Variants in BCOR observed in about 807,000 individuals in gnomAD.
BCOR encodes the protein BCL6 corepressor.
Under a neutral mutation model 86.7 loss-of-function variants are expected in BCOR, and 10 were observed. The observed-to-expected ratio is 0.12, with a 90% CI of 0.07 to 0.20. The LOEUF is 0.20. BCOR is among the 10% of genes least tolerant of loss of function. The pLI is 1.00. For synonymous variants in BCOR, 611 were observed against 609.0 expected, an observed-to-expected ratio of 1.00 and a Z score of -0.05; for missense variants, 1,259 against 1,452.1, an observed-to-expected ratio of 0.87 and a Z score of 2.16.
At chrX:40,094,212 G>C (rs908802827) in intron 1 of BCOR, among the ~76,000 whole-genome samples, 3 of 111,436 alleles carry the variant, frequency 2.7e-5, no homozygotes, top group Non-Finnish European at 3.8e-5. Context: ...TCGCTCACTC[G>C]CAGCTCACAG....
At chrX:40,058,153 C>T (rs1051271879) in intron 10 of BCOR, among the ~76,000 whole-genome samples, 1 of 112,650 alleles carries the variant, frequency 8.9e-6, no homozygotes, top group Admixed American at 9.4e-5. Context: ...AGAATGTGTT[C>T]CGCATCAACA....
intron 1 of BCOR, among the ~76,000 whole-genome samples, chrX:40,175,080 G>C (rs1005874629): frequency 9.0e-5 from 10 of 111,357 alleles, no homozygotes; most frequent in East Asian, 2.8e-4. Context: ...CACCAGGAAC[G>C]GAGGCCGTCC....
intron 7 of BCOR, 62 bp from the exon 8 acceptor site, chrX:40,064,014 CG>C: frequency 1.4e-6 from 1 of 701,472 alleles, no homozygotes; most frequent in Non-Finnish European, 2.1e-6. Flanking sequence ...AACTGTCTTA[CG>C]CATCACTAAT....
At chrX:40,152,976 G>A (rs961586132) in intron 1 of BCOR, among the ~76,000 whole-genome samples, 3 of 112,777 alleles carry the variant, frequency 2.7e-5, no homozygotes, top group Non-Finnish European at 5.6e-5. Flanking sequence ...CAGGGTGACC[G>A]GGCTGGAGAC....
At chrX:40,112,635 C>T (rs944799277) in intron 1 of BCOR, among the ~76,000 whole-genome samples, 34 of 111,379 alleles carry the variant, frequency 3.1e-4, no homozygotes, top group African/African-American at 1.1e-3. Flanking sequence ...GCATGTGTCT[C>T]GAACTCCTGA....
chrX:40,081,568 A>G (rs1936108980), intron 1 of BCOR, among the ~76,000 whole-genome samples: 1 of 111,922 alleles, frequency 8.9e-6, no homozygotes, highest in African/African-American at 3.3e-5. Flanking sequence ...GCTATAGATG[A>G]AGCTCGTTTG....
intron 1 of BCOR, among the ~76,000 whole-genome samples, chrX:40,150,253 G>A (rs764822036): frequency 7.6e-4 from 86 of 112,453 alleles, no homozygotes; most frequent in Non-Finnish European, 1.4e-3. Flanking sequence ...CTACGGAAAG[G>A]GAAGAGAAAC....
intron 1 of BCOR, among the ~76,000 whole-genome samples, chrX:40,144,060 A>C (rs1342959367): frequency 8.9e-6 from 1 of 112,107 alleles, no homozygotes; most frequent in African/African-American, 3.2e-5. Flanking sequence ...TCATGGGGAC[A>C]GATGCTGAGA....
chrX:40,063,635 A>T lies in BCOR; in HGVS notation c.3820T>A (p.Ser1274Thr). 8.3e-7 allele frequency: 1 copy of T among 1,209,528 alleles called. No individual in the cohort carries two copies. The highest frequency in any genetic ancestry group is 1.1e-6 in the Non-Finnish European group (1 of 894,625). The change falls in exon 8 of 15, where the codon TCT becomes ACT. Residue 1274 changes from serine to threonine, a missense_variant. Physicochemically the swap from Ser to Thr is moderately conservative, Grantham distance 58 (BLOSUM62 1). Around this residue, in one of 7 missense-constraint regions of BCOR, gnomAD observed 305 missense variants for 286.1 expected, o/e 1.07. Coordinates refer to ENST00000378444, the MANE Select transcript of BCOR (RefSeq NM_001123385.2). Reference protein sequence around the residue: ...AKGNRSWSEESLKPSDNEQGL... With the variant: ...AKGNRSWSEETLKPSDNEQGL... ...TGTTCATTGTCACTGGGTTTAAGAG[A>T]CTCTTCCGACCAGCTTCTGTTGCCT...
At chrX:40,102,973 G>T (rs1023238942) in intron 1 of BCOR, among the ~76,000 whole-genome samples, 2 of 111,652 alleles carry the variant, frequency 1.8e-5, no homozygotes, top group African/African-American at 6.5e-5. Flanking sequence ...TGTAATCTTC[G>T]GCACATTTCA....
chrX:40,062,347 T>C lies in BCOR; in HGVS notation c.4220A>G (p.Tyr1407Cys), dbSNP rs2147014696. The change falls in exon 10 of 15, where the codon TAT becomes TGT. Residue 1407 changes from tyrosine (Y) to cysteine (C), a missense_variant. By Grantham distance (194) the Tyr-to-Cys change is radical (BLOSUM62 -2). Around this residue, in one of 7 missense-constraint regions of BCOR, gnomAD observed 305 missense variants for 286.1 expected, o/e 1.07. Transcript: ENST00000378444. ...CTCCTGCTTGGCTGGTGACAGATCA[T>C]AGTCCGAACTGGGCTCCGGCCGCTT... ...FRKRPEPSSD[Y>C]DLSPAKQEPK... 3 of 1,206,926 alleles carry C rather than the reference T, an allele frequency of 2.5e-6. No individual in the cohort carries two copies. The highest frequency in any genetic ancestry group is 1.8e-5 in the South Asian group (1 of 55,971).
Position 40,073,903 on chromosome X carries a change from C to G in BCOR, c.1443G>C (p.Glu481Asp), listed in dbSNP as rs771389229. The G allele has an allele frequency of 9.9e-6, 12 of 1,212,298 alleles. No individual in the cohort carries two copies. Among genetic ancestry groups the G allele is most frequent in the Admixed American group, 2.2e-5 (1 of 46,160 alleles). Reference sequence around the variant, plus strand: ...GAGGAGATAGTGTTTCTTTCGGAATCTCACTTCCGGAGAGCACTAAGCCAC... The same window carrying G: ...GAGGAGATAGTGTTTCTTTCGGAATGTCACTTCCGGAGAGCACTAAGCCAC... ...AGSGLVLSGS[E>D]IPKETLSPPG... is the part of the protein sequence containing the mutation. Residue 481 changes from glutamate to aspartate, a missense_variant, in exon 4 of 15, where the codon GAG (glutamate) becomes GAC (aspartate). Physicochemically the swap from Glu to Asp is conservative, Grantham distance 45. This residue lies in a region of BCOR where 534 missense variants were observed against 594.8 expected (regional missense o/e 0.90). Coordinates refer to ENST00000378444, the MANE Select transcript of BCOR (RefSeq NM_001123385.2).
In BCOR at chrX:40,074,556, G is replaced by A. The variant is rs1935688006; in HGVS notation, c.790C>T (p.Pro264Ser). The change falls in exon 4 of 15, where the codon CCC becomes TCC. Residue 264 changes from proline (P) to serine (S), a missense_variant. Pro to Ser is a moderately conservative substitution (Grantham distance 74). Around this residue, in one of 7 missense-constraint regions of BCOR, gnomAD observed 534 missense variants for 594.8 expected, o/e 0.90. Coordinates refer to ENST00000378444, the MANE Select transcript of BCOR (RefSeq NM_001123385.2). ...GCCGAAGGTGTCGAGAGCCTCATGG[G>A]TGATGCCAAGGACGATGGGATGTGG... ...GPHIPSSLAS[P>S]MRLSTPSASP... 4.1e-6 allele frequency: 5 copies of A among 1,211,432 alleles called. No individual in the cohort carries two copies. In the African/African-American group the frequency reaches 8.6e-5, roughly 21 times the overall value.
intron 1 of BCOR, among the ~76,000 whole-genome samples, chrX:40,137,301 C>T (rs978139724): frequency 9.0e-6 from 1 of 111,524 alleles, no homozygotes; most frequent in East Asian, 2.8e-4. Context: ...AATCCCAGCA[C>T]TTTGGGAGGC....
intron 1 of BCOR, among the ~76,000 whole-genome samples, chrX:40,105,522 T>C (rs1480642040): frequency 9.0e-6 from 1 of 111,334 alleles, no homozygotes; most frequent in African/African-American, 3.3e-5. Flanking sequence ...TGCGGTCCGA[T>C]GAGATGTCCC....
chrX:40,125,643 G>C (rs996863387), intron 1 of BCOR, among the ~76,000 whole-genome samples: 1 of 112,012 alleles, frequency 8.9e-6, no homozygotes, highest in African/African-American at 3.2e-5. Context: ...TCCTCCACCT[G>C]AAGCCCCAAA....
chrX:40,107,578 G>A (rs759401836), intron 1 of BCOR, among the ~76,000 whole-genome samples: 43 of 113,581 alleles, frequency 3.8e-4, no homozygotes, highest in African/African-American at 1.3e-3. Flanking sequence ...GCTCCGGTCC[G>A]AGGCCCCGCG....
chrX:40,149,340 T>C (rs770443251), intron 1 of BCOR, among the ~76,000 whole-genome samples: 1 of 111,276 alleles, frequency 9.0e-6, no homozygotes, highest in Non-Finnish European at 1.9e-5. Context: ...CAATATTGAA[T>C]ACGGATATTA....
intron 1 of BCOR, among the ~76,000 whole-genome samples, chrX:40,116,443 GCTGAGATAGCGCCACTGCAC>G (rs1368691705): frequency 9.1e-6 from 1 of 110,090 alleles, no homozygotes; most frequent in Non-Finnish European, 1.9e-5. Flanking sequence ...CTTGCAGTGA[GCTGAGATAGCGCCACTGCAC>G]TCCAGCCTGG....
Sources: allele counts gnomAD v4.1 joint callset (sites outside exome capture counted in the v4.1 genomes callset), GRCh38; gene constraint gnomAD v4.1.1; regional missense constraint gnomAD v4.1.1; transcripts MANE v1.5; gene names NCBI Gene and HGNC (gene_info 2026-07-23, HGNC 2026-07-21).